Variants in MORC1 observed in about 807,000 individuals in gnomAD.
MORC1 encodes MORC family CW-type zinc finger protein 1.
MORC1 carries 59 observed loss-of-function variants against 134.9 expected under a neutral mutation model. That is an observed-to-expected ratio of 0.44 (90% confidence interval 0.35 to 0.54). The LOEUF (loss-of-function observed/expected upper bound fraction) is 0.54, where lower values mean the gene tolerates loss of function less well. Ranked by LOEUF, MORC1 falls within the 20% of genes least tolerant of loss-of-function variation. The pLI is 0.00. For missense variants in MORC1, 947 were observed against 1,134.5 expected, an observed-to-expected ratio of 0.83 and a Z score of 2.37; for synonymous variants, 395 against 391.7, an observed-to-expected ratio of 1.01 and a Z score of -0.10.
chr3:109,032,174 G>A (rs1487107590), intron 16 of MORC1, among the ~76,000 whole-genome samples: 1 of 152,088 alleles, frequency 6.6e-6, no homozygotes, highest in African/African-American at 2.4e-5. Context: ...GGGTGCTTTT[G>A]TTAAAGGGGA....
chr3:109,091,450 T>TAAATAAAA (rs1559946948), intron 8 of MORC1, among the ~76,000 whole-genome samples: 2 of 126,402 alleles, frequency 1.6e-5, no homozygotes, highest in Non-Finnish European at 3.1e-5. Context: ...TCTAAAAAAA[T>TAAATAAAA]AAATAAATAA....
chr3:108,997,798 C>T (rs1197384904), intron 21 of MORC1, among the ~76,000 whole-genome samples: 2 of 151,158 alleles, frequency 1.3e-5, no homozygotes, highest in Non-Finnish European at 2.9e-5. Context: ...ACTATTAGTA[C>T]AAGAACCAGA....
At chr3:108,963,313 T>C (rs754634976) in intron 27 of MORC1, 101 bp downstream of exon 27, 8 of 963,302 alleles carry the variant, frequency 8.3e-6, no homozygotes, top group East Asian at 2.5e-5. Context: ...CTTAAGTGAC[T>C]TGTCCAGGTC....
At chr3:108,975,947 C>T (rs965773393) in intron 24 of MORC1, among the ~76,000 whole-genome samples, 3 of 152,128 alleles carry the variant, frequency 2.0e-5, no homozygotes, top group Non-Finnish European at 2.9e-5. Context: ...ATACTATTTA[C>T]TGCTTTTTAC....
At chr3:109,014,553 C>T (rs1948771093) in intron 17 of MORC1, among the ~76,000 whole-genome samples, 1 of 152,154 alleles carries the variant, frequency 6.6e-6, no homozygotes, top group Non-Finnish European at 1.5e-5. Flanking sequence ...GTTTGAATCA[C>T]TCTGGGATGA....
At chr3:109,104,244 T>A (rs532125551) in intron 3 of MORC1, among the ~76,000 whole-genome samples, 1 of 152,272 alleles carries the variant, frequency 6.6e-6, no homozygotes, top group South Asian at 2.1e-4. Flanking sequence ...GGGAAAAAGG[T>A]AAATGGTGAA....
chr3:109,021,129 A>G (rs190265663), intron 17 of MORC1, among the ~76,000 whole-genome samples: 1 of 152,260 alleles, frequency 6.6e-6, no homozygotes, highest in African/African-American at 2.4e-5. Context: ...GAAGGAAGCC[A>G]AAGACTTGTA....
intron 1 of MORC1, among the ~76,000 whole-genome samples, chr3:109,114,775 T>C (rs1393669089): frequency 6.6e-6 from 1 of 152,262 alleles, no homozygotes; most frequent in African/African-American, 2.4e-5. Flanking sequence ...GATTTTTCAT[T>C]AAAATTGTAT....
intron 25 of MORC1, among the ~76,000 whole-genome samples, chr3:108,970,091 A>G (rs1156914184): frequency 6.6e-6 from 1 of 152,030 alleles, no homozygotes; most frequent in African/African-American, 2.4e-5. Context: ...ACAGATGGGG[A>G]AGTCACTGGC....
chr3:109,092,167 C>T (rs4378972), intron 8 of MORC1, among the ~76,000 whole-genome samples: 148,375 of 152,278 alleles, frequency 0.97, 72,401 homozygotes, highest in East Asian at 1. Context: ...TTTCTGACAC[C>T]GGCATATTAA....
At chr3:109,050,192 T>C (rs1313752622) in intron 14 of MORC1, among the ~76,000 whole-genome samples, 1 of 152,246 alleles carries the variant, frequency 6.6e-6, no homozygotes, top group East Asian at 1.9e-4. Flanking sequence ...TTCATTCTTC[T>C]CTGTTGGGCA....
intron 8 of MORC1, among the ~76,000 whole-genome samples, chr3:109,076,742 C>T (rs566572010): frequency 7.3e-4 from 111 of 152,196 alleles, no homozygotes; most frequent in African/African-American, 2.5e-3. Context: ...AAACCAAATA[C>T]CACATGTTCT....
intron 27 of MORC1, among the ~76,000 whole-genome samples, chr3:108,959,754 G>A (rs1947031388): frequency 6.6e-6 from 1 of 152,062 alleles, no homozygotes. Context: ...CAAAAATTTT[G>A]AACAAAAATC....
At chr3:109,051,528 G>A (rs58685453) in intron 14 of MORC1, among the ~76,000 whole-genome samples, 4,835 of 152,142 alleles carry the variant, frequency 0.032, 240 homozygotes, top group African/African-American at 0.11. Flanking sequence ...GAAGTTTGAG[G>A]ATGAAGTGAA....
At chr3:108,973,971 T>A (rs985605296) in intron 24 of MORC1, among the ~76,000 whole-genome samples, 4 of 152,160 alleles carry the variant, frequency 2.6e-5, no homozygotes, top group African/African-American at 9.7e-5. Context: ...TTTCATGTAA[T>A]CTTTATGGAA....
At chr3:109,100,595 A>C (rs1020168435) in intron 4 of MORC1, 88 bp from the exon 5 acceptor site, 1 of 980,942 alleles carries the variant, frequency 1.0e-6, no homozygotes, top group African/African-American at 1.6e-5. Flanking sequence ...CATTCCTCAG[A>C]ACATCAGGAC....
chr3:109,057,480 T>C lies in MORC1; in HGVS notation c.1038A>G (p.Leu346=). ...ACAGGGAGAGCGTTCTTGCTGTTTT[T>C]AATTCTCTAGAGTTACATTTAAAAA... ...QKNLKEKQRE[L]KTARTLSLFY... The change falls in exon 13 of 28, where the codon TTA becomes TTG. Residue 346 remains leucine, a synonymous_variant. Transcript: ENST00000232603. 1 of 1,595,426 alleles carries C rather than the reference T, an allele frequency of 6.3e-7. No homozygotes were observed. Among genetic ancestry groups the C allele is most frequent in the East Asian group, 2.2e-5 (1 of 44,518 alleles).
chr3:109,091,215 A>G (rs4074419), intron 8 of MORC1, among the ~76,000 whole-genome samples: 118,683 of 151,702 alleles, frequency 0.78, 47,457 homozygotes, highest in East Asian at 0.93. Context: ...AGGCTGGGGG[A>G]GTAGATCACC....
At position 108,996,273 on chromosome 3, in the gene MORC1, CGT is replaced by C. The variant is rs1312561784; in HGVS notation, c.2187+4282_2187+4283del. On this transcript the variant is annotated intron_variant, in intron 21 of 27. Transcript: ENST00000232603. ...ACATGCCTGTGCACATGTGCGCGTG[CGT>C]GCGCGCGCGCGCACACACACACACA... Among the ~76,000 whole-genome samples the C allele has an allele frequency of 4.0e-3, 480 of 119,916 alleles. 10 individuals carry two copies. Among genetic ancestry groups the C allele is most frequent in the African/African-American group, 0.013 (452 of 35,054 alleles). 78.7% of individuals were successfully genotyped at this position (119,916 alleles called of 152,430 possible).
Sources: gnomAD v4.1 joint callset for allele counts (sites outside exome capture counted in the v4.1 genomes callset) on GRCh38, gnomAD v4.1.1 for gene constraint, MANE v1.5 for transcripts, NCBI Gene and HGNC (gene_info 2026-07-23, HGNC 2026-07-21) for gene names.